The following SLC16A11 variants were observed in gnomAD, a reference collection of about 807,000 sequenced individuals.
SLC16A11 encodes the protein solute carrier family 16 member 11.
A neutral mutation model predicts 26.0 loss-of-function variants in SLC16A11; 24 were observed. The ratio of observed to expected loss-of-function variants is 0.92; its 90% CI spans 0.67 to 1.30. SLC16A11 has a LOEUF of 1.30. Ranked by LOEUF, SLC16A11 falls within the 50% of genes most tolerant of loss-of-function variation. The pLI is 0.00. For missense variants in SLC16A11, 638 were observed against 597.7 expected, an observed-to-expected ratio of 1.07 and a Z score of -0.70; for synonymous variants, 332 against 296.0, an observed-to-expected ratio of 1.12 and a Z score of -1.25.
chr17:7,042,139 G>T lies in SLC16A11; in HGVS notation c.971C>A (p.Ala324Asp), dbSNP rs1333421568. Residue 324 changes from alanine (A) to aspartate (D), a missense_variant, in exon 4 of 5, where the codon GCC (alanine) becomes GAC (aspartate). Coordinates refer to ENST00000574600, the MANE Select transcript of SLC16A11 (RefSeq NM_001370549.1). The surrounding 1 kb of genome is among the most constrained non-coding windows in gnomAD (Gnocchi z 5.9). ...GTAACTCCCCGCGCTCAGCCCATAG[G>T]CCACAGCCGCGGCCAGCAGGGGACC... ...WGGPLLAAAV[A>D]YGLSAGSYAP... 6.3e-7 allele frequency: 1 copy of T among 1,590,452 alleles called. No individual in the cohort carries two copies.
At position 7,042,133 on chromosome 17, in the gene SLC16A11, C is replaced by A; in HGVS notation, c.977G>T (p.Gly326Val). 1.3e-6 allele frequency: 2 copies of A among 1,595,214 alleles called. No homozygotes were observed. The highest frequency in any genetic ancestry group is 1.7e-5 in the Admixed American group (1 of 58,228). ...GPLLAAAVAYGLSAGSYAPLV... is the reference protein window; with the variant it reads ...GPLLAAAVAYVLSAGSYAPLV... ...CGGGGCGTAACTCCCCGCGCTCAGC[C>A]CATAGGCCACAGCCGCGGCCAGCAG... The change falls in exon 4 of 5, where the codon GGG (glycine) becomes GTG (valine). Residue 326 changes from glycine to valine, a missense_variant. Physicochemically the swap from Gly to Val is moderately radical, Grantham distance 109 (BLOSUM62 -3). Transcript: ENST00000574600. The surrounding 1 kb of genome is among the most constrained non-coding windows in gnomAD (Gnocchi z 5.9).
At position 7,043,442 on chromosome 17, in the gene SLC16A11, T is replaced by C. The variant is rs747579251; in HGVS notation, c.72A>G (p.Ile24Met). ...GWVVAAAAFA[I>M]NGLSYGLLRS... ...GCAGCAGCCCGTAGGACAGCCCGTT[T>C]ATCGCGAAGGCTGCGGCCGCCACCA... The change falls in exon 2 of 5, where the codon ATA (isoleucine) becomes ATG (methionine). Residue 24 changes from isoleucine to methionine, a missense_variant. Ile to Met is a conservative substitution (Grantham distance 10, BLOSUM62 1). Transcript: ENST00000574600. 6.3e-7 allele frequency: 1 copy of C among 1,599,854 alleles called. No individual in the cohort carries two copies. Among genetic ancestry groups the C allele is most frequent in the Non-Finnish European group, 8.5e-7 (1 of 1,177,344 alleles).
chr17:7,042,447 T>A lies in SLC16A11; in HGVS notation c.663A>T (p.Ser221=). The A allele has an allele frequency of 6.4e-7, 1 of 1,556,748 alleles. No homozygotes were observed. Among genetic ancestry groups the A allele is most frequent in the Non-Finnish European group, 8.7e-7 (1 of 1,149,900 alleles). Residue 221 remains serine, a synonymous_variant, in exon 4 of 5, where the codon TCA becomes TCT. Transcript: ENST00000574600. The surrounding 1 kb of genome is among the most constrained non-coding windows in gnomAD (Gnocchi z 5.9). ...GLSLFTRRAF[S]IFALGTALVG... ...CCAGGGCTGTGCCTAGAGCAAAGAT[T>A]GAGAAGGCCCGGCGTGTGAACAGAC...
In SLC16A11 at chr17:7,041,764, G is replaced by GGGGGAGGCGTGGCTGGA. The variant is rs777173623; in HGVS notation, c.1242_1258dup (p.Pro420LeufsTer40). 2.0e-5 allele frequency: 32 copies of GGGGGAGGCGTGGCTGGA among 1,613,496 alleles called. No individual in the cohort carries two copies. Among genetic ancestry groups the GGGGGAGGCGTGGCTGGA allele is most frequent in the Middle Eastern group, 1.7e-4 (1 of 6,000 alleles). ...AGCGGGAAGCAGCTCCCCCGTCTCT[G>GGGGGAGGCGTGGCTGGA]GGGGAGGCGTGGCTGGAGGGGAGGC... On this transcript the variant is annotated frameshift_variant, in exon 5 of 5. Coordinates refer to ENST00000574600, the MANE Select transcript of SLC16A11 (RefSeq NM_001370549.1). LOFTEE classifies it low-confidence loss of function (END_TRUNC).
Position 7,042,441 on chromosome 17 carries a change from A to C in SLC16A11, c.669T>G (p.Phe223Leu), listed in dbSNP as rs748513316. ...CCCCAACCAGGGCTGTGCCTAGAGC[A>C]AAGATTGAGAAGGCCCGGCGTGTGA... ...SLFTRRAFSI[F>L]ALGTALVGGG... is the part of the protein sequence containing the mutation. Residue 223 changes from phenylalanine (F) to leucine (L), a missense_variant, in exon 4 of 5, where the codon TTT becomes TTG. By Grantham distance (22) the Phe-to-Leu change is conservative. Coordinates refer to ENST00000574600, the MANE Select transcript of SLC16A11 (RefSeq NM_001370549.1). The surrounding 1 kb of genome is among the most constrained non-coding windows in gnomAD (Gnocchi z 5.9). 2 of 1,557,028 alleles carry C rather than the reference A, an allele frequency of 1.3e-6. No homozygotes were observed. The highest frequency in any genetic ancestry group is 1.7e-6 in the Non-Finnish European group (2 of 1,149,992).
At position 7,042,164 on chromosome 17, in the gene SLC16A11, C is replaced by T. The variant is rs75418188; in HGVS notation, c.946G>A (p.Gly316Ser). 27,713 of 1,572,078 alleles carry T rather than the reference C, an allele frequency of 0.018. 2,226 individuals are homozygous for T. In the Admixed American group the frequency reaches 0.24, roughly 14 times the overall value. Reference protein sequence around the residue: ...PVVGGEESWGGPLLAAAVAYG... With the variant: ...PVVGGEESWGSPLLAAAVAYG... ...GCCACAGCCGCGGCCAGCAGGGGAC[C>T]CCCCCAGCTCTCTTCGCCGCCCACC... Residue 316 changes from glycine to serine, a missense_variant, in exon 4 of 5, where the codon GGT (glycine) becomes AGT (serine). Coordinates refer to ENST00000574600, the MANE Select transcript of SLC16A11 (RefSeq NM_001370549.1). The surrounding 1 kb of genome is among the most constrained non-coding windows in gnomAD (Gnocchi z 5.9).
intron 2 of SLC16A11, 65 bp downstream of exon 2, chr17:7,043,247 C>T: frequency 1.3e-6 from 2 of 1,541,002 alleles, no homozygotes. Context: ...TCAGGTGGGT[C>T]TCCCATCCCT....
Position 7,042,655 on chromosome 17 carries a change from G to A in SLC16A11, c.455C>T (p.Ser152Phe). The change falls in exon 4 of 5, where the codon TCC (serine) becomes TTC (phenylalanine). Residue 152 changes from serine to phenylalanine, a missense_variant. Physicochemically the swap from Ser to Phe is radical, Grantham distance 155. Transcript: ENST00000574600. This position sits in a 1 kb window ranked among gnomAD's most constrained non-coding sequence, Gnocchi z 5.9. The part of the protein sequence containing the change: ...VGLALTGNGA[S>F]SLLLAPALQL... ...CAAGGCGGGCGCCAGGAGCAGCGAG[G>A]AGGCCCCGTTGCCGGTGAGCGCCAG... 1 of 1,564,868 alleles carries A rather than the reference G, an allele frequency of 6.4e-7. No individual in the cohort carries two copies. Among genetic ancestry groups the A allele is most frequent in the Non-Finnish European group, 8.6e-7 (1 of 1,159,230 alleles).
Position 7,042,167 on chromosome 17 carries a change from C to T in SLC16A11, c.943G>A (p.Gly315Arg). The T allele has an allele frequency of 6.3e-7, 1 of 1,575,274 alleles. No homozygotes were observed. Among genetic ancestry groups the T allele is most frequent in the Non-Finnish European group, 8.6e-7 (1 of 1,162,312 alleles). ...VPVVGGEESW[G>R]GPLLAAAVAY... Reference sequence around the variant, plus strand: ...ACAGCCGCGGCCAGCAGGGGACCCCCCCAGCTCTCTTCGCCGCCCACCACG... The same window carrying T: ...ACAGCCGCGGCCAGCAGGGGACCCCTCCAGCTCTCTTCGCCGCCCACCACG... Residue 315 changes from glycine (G) to arginine (R), a missense_variant, in exon 4 of 5, where the codon GGG becomes AGG. Physicochemically the swap from Gly to Arg is moderately radical, Grantham distance 125. Coordinates refer to ENST00000574600, the MANE Select transcript of SLC16A11 (RefSeq NM_001370549.1). The surrounding 1 kb of genome is among the most constrained non-coding windows in gnomAD (Gnocchi z 5.9).
chr17:7,043,570 G>T, intron 1 of SLC16A11, 51 bp from the exon 2 acceptor site: 4 of 1,549,148 alleles, frequency 2.6e-6, no homozygotes, highest in Admixed American at 1.9e-5. Flanking sequence ...CTGTGCTTCC[G>T]CTGGGGAGCT....
chr17:7,042,186 C>G lies in SLC16A11; in HGVS notation c.924G>C (p.Val308=). Residue 308 remains valine (V), a synonymous_variant, in exon 4 of 5, where the codon GTG becomes GTC. Transcript: ENST00000574600. This position sits in a 1 kb window ranked among gnomAD's most constrained non-coding sequence, Gnocchi z 5.9. ...GLWVVGLVPV[V]GGEESWGGPL... is the part of the protein sequence containing the mutation. ...GACCCCCCCAGCTCTCTTCGCCGCC[C>G]ACCACGGGCACCAGCCCCACCACCC... is the stretch of plus-strand genomic sequence containing the variant. 6 of 1,568,132 alleles carry G rather than the reference C, an allele frequency of 3.8e-6. No individual in the cohort carries two copies. Among genetic ancestry groups the G allele is most frequent in the Non-Finnish European group, 5.2e-6 (6 of 1,158,578 alleles).
Position 7,042,684 on chromosome 17 carries a change from C to T in SLC16A11, c.426G>A (p.Val142=). ...RYFSRRRVLA[V]GLALTGNGAS... ...CCCCGTTGCCGGTGAGCGCCAGCCCCACCGCCAAGACTCGACGGCGGGAGA... is the reference window on the plus strand; with the variant it reads ...CCCCGTTGCCGGTGAGCGCCAGCCCTACCGCCAAGACTCGACGGCGGGAGA... The change falls in exon 4 of 5, where the codon GTG becomes GTA. Residue 142 remains valine (V), a synonymous_variant. Coordinates refer to ENST00000574600, the MANE Select transcript of SLC16A11 (RefSeq NM_001370549.1). This position sits in a 1 kb window ranked among gnomAD's most constrained non-coding sequence, Gnocchi z 5.9. 3 of 1,553,592 alleles carry T rather than the reference C, an allele frequency of 1.9e-6. No individual in the cohort carries two copies. In the South Asian group the frequency reaches 3.5e-5, roughly 18 times the overall value.
In SLC16A11 at chr17:7,042,039, C is replaced by A. The variant is rs1443764688; in HGVS notation, c.1071G>T (p.Met357Ile). The A allele has an allele frequency of 6.3e-7, 1 of 1,589,988 alleles. No individual in the cohort carries two copies. Among genetic ancestry groups the A allele is most frequent in the Non-Finnish European group, 8.6e-7 (1 of 1,165,496 alleles). Residue 357 changes from methionine (M) to isoleucine (I), a missense_variant, in exon 4 of 5, where the codon ATG becomes ATT. Transcript: ENST00000574600. This position sits in a 1 kb window ranked among gnomAD's most constrained non-coding sequence, Gnocchi z 5.9. ...GGAGCCCCCCGAGGCTCATCAGCAT[C>A]ATCACCAGCCCTGTGGCCTGCACCA... ...GGVVQATGLV[M>I]MLMSLGGLLG...
rs761501281 is a variant in SLC16A11 at position 7,041,758 on chromosome 17, G to A, written c.1265C>T (p.Thr422Met). 5.0e-6 allele frequency: 8 copies of A among 1,613,570 alleles called. No individual in the cohort carries two copies. The highest frequency in any genetic ancestry group is 1.7e-5 in the Admixed American group (1 of 60,008). ...CTGGGGAGCGGGAAGCAGCTCCCCC[G>A]TCTCTGGGGGAGGCGTGGCTGGAGG... is the stretch of plus-strand genomic sequence containing the variant. The part of the protein sequence containing the change: ...ASPPATPPPE[T>M]GELLPAPQAV... Residue 422 changes from threonine to methionine, a missense_variant, in exon 5 of 5, where the codon ACG becomes ATG. Coordinates refer to ENST00000574600, the MANE Select transcript of SLC16A11 (RefSeq NM_001370549.1).
chr17:7,043,692 G>A, intron 1 of SLC16A11, 83 bp downstream of exon 1: 2 of 1,361,836 alleles, frequency 1.5e-6, no homozygotes, highest in African/African-American at 1.5e-5. Context: ...GGAACTCCCG[G>A]GTCCGCGCGA....
rs36000446 is a variant in SLC16A11, at chr17:7,041,808, C to T, written c.1215G>A (p.Ala405=). The T allele has an allele frequency of 6.1e-4, 988 of 1,613,758 alleles. 10 individuals carry two copies. The African/African-American group carries it at 0.012, about 19-fold the overall frequency. The change falls in exon 5 of 5, where the codon GCG becomes GCA. Residue 405 remains alanine, a synonymous_variant. Transcript: ENST00000574600. ...GSFIYIGLPR[A]LPSCGPASPP... is the part of the protein sequence containing the mutation. ...GGGAGGCTGGACCACAGGAGGGCAG[C>T]GCCCTGGGCAACCCTATGTAGATGA...
chr17:7,043,305 C>T lies in SLC16A11; in HGVS notation c.202+7G>A. 1.2e-6 allele frequency: 2 copies of T among 1,601,452 alleles called. No individual in the cohort carries two copies. The highest frequency in any genetic ancestry group is 1.7e-6 in the Non-Finnish European group (2 of 1,174,940). On this transcript the variant is annotated splice_region_variant and intron_variant, in intron 2 of 4. Transcript: ENST00000574600. ...GTTCCTGTCTCCCGCCTCAGGGCCC[C>T]CCTCACTGGCTGCCTGCTGCACGGC...
At chr17:7,043,249 C>A in intron 2 of SLC16A11, 63 bp downstream of exon 2, 1 of 1,548,032 alleles carries the variant, frequency 6.5e-7, no homozygotes, top group Non-Finnish European at 8.7e-7. Context: ...AGGTGGGTCT[C>A]CCATCCCTCC....
In SLC16A11 at chr17:7,041,997, T is replaced by TGAG; in HGVS notation, c.1112_1113insCTC (p.Ser371dup). ...AGATCTGTGAGCTCAGGTCCTTACC[T>TGAG]GACAGGGGAGGGCCCAGGAGCCCCC... On this transcript the variant is annotated inframe_insertion and splice_region_variant, in exon 4 of 5. Transcript: ENST00000574600. The TGAG allele has an allele frequency of 1.3e-6, 2 of 1,581,640 alleles. No individual in the cohort carries two copies. Among genetic ancestry groups the TGAG allele is most frequent in the Middle Eastern group, 1.7e-4 (1 of 5,914 alleles).
Sources: allele counts gnomAD v4.1 joint callset, GRCh38; gene constraint gnomAD v4.1.1; non-coding constraint Gnocchi (gnomAD v3.1); transcripts MANE v1.5; gene names NCBI Gene and HGNC (gene_info 2026-07-23, HGNC 2026-07-21).